TENM3: variants seen among roughly 807,000 people sequenced by gnomAD.
The protein encoded by TENM3 is teneurin-3.
A neutral mutation model predicts 255.1 loss-of-function variants in TENM3; 63 were observed. The observed-to-expected ratio is 0.25, with a 90% CI of 0.20 to 0.30. The LOEUF (loss-of-function observed/expected upper bound fraction) is 0.30, where lower values mean the gene tolerates loss of function less well. Among genes scored for constraint, TENM3 ranks in the 10% least tolerant of loss-of-function variants. TENM3 has a pLI of 1.00. For missense variants in TENM3, 2,929 were observed against 3,461.1 expected (o/e 0.85, Z 3.86); for synonymous variants, 1,306 against 1,322.3 (o/e 0.99, Z 0.27).
At chr4:182,624,235 TA>T (rs1360809397) in intron 4 of TENM3, among the ~76,000 whole-genome samples, 2 of 152,196 alleles carry the variant, frequency 1.3e-5, no homozygotes, top group Non-Finnish European at 2.9e-5. Flanking sequence ...GTTTTCTAAA[TA>T]TGGTTTCTTT....
At chr4:182,272,573 G>T (rs749089453) in intron 1 of TENM3, among the ~76,000 whole-genome samples, 2 of 152,128 alleles carry the variant, frequency 1.3e-5, no homozygotes, top group Admixed American at 6.5e-5. Context: ...CTGGTTTCCC[G>T]CAGAGGCAAG....
chr4:181,908,029 A>G, the TENM3 span, among the ~76,000 whole-genome samples: 1 of 152,194 alleles, frequency 6.6e-6, no homozygotes, highest in African/African-American at 2.4e-5. Flanking sequence ...CTAAAGCTAT[A>G]CAAGTTCTAT....
chr4:181,448,266 A>C, the TENM3 span, among the ~76,000 whole-genome samples: 1 of 135,808 alleles, frequency 7.4e-6, no homozygotes, highest in Non-Finnish European at 1.5e-5. Context: ...TCCCGGGTTC[A>C]CGCCATTCTC....
intron 1 of TENM3, among the ~76,000 whole-genome samples, chr4:182,293,887 C>T (rs1188187875): frequency 5.3e-5 from 8 of 152,162 alleles, no homozygotes; most frequent in African/African-American, 1.9e-4. Flanking sequence ...TGAGGCTTAA[C>T]CCTCCCAGGG....
At chr4:182,592,743 C>G (rs1167397805) in intron 3 of TENM3, among the ~76,000 whole-genome samples, 2 of 151,966 alleles carry the variant, frequency 1.3e-5, no homozygotes, top group Non-Finnish European at 2.9e-5. Flanking sequence ...GTAAAATATA[C>G]AAAAACAAAA....
chr4:181,869,627 A>G, the TENM3 span, among the ~76,000 whole-genome samples: 2 of 152,138 alleles, frequency 1.3e-5, no homozygotes, highest in African/African-American at 4.8e-5. Context: ...ACTACTAGGT[A>G]CCCACAAAAA....
the TENM3 span, among the ~76,000 whole-genome samples, chr4:181,782,216 T>G: frequency 6.3e-4 from 96 of 152,306 alleles, no homozygotes; most frequent in African/African-American, 2.3e-3. Context: ...TCCTCGTACC[T>G]CTGGTAGAAT....
intron 1 of TENM3, among the ~76,000 whole-genome samples, chr4:182,289,826 C>T (rs187150462): frequency 6.6e-6 from 1 of 152,258 alleles, no homozygotes; most frequent in Admixed American, 6.5e-5. Flanking sequence ...AGAATAAAAT[C>T]CAGACTCCCT....
intron 1 of TENM3, among the ~76,000 whole-genome samples, chr4:182,236,485 T>A (rs1206784399): frequency 6.6e-6 from 1 of 152,226 alleles, no homozygotes; most frequent in Non-Finnish European, 1.5e-5. Flanking sequence ...CCTGATTTCC[T>A]TTCATGATAT....
chr4:181,522,763 T>C, the TENM3 span: 1 of 749,764 alleles, frequency 1.3e-6, no homozygotes, highest in East Asian at 2.7e-5. Flanking sequence ...GACCTGAGAG[T>C]AAATGGAGAA....
At chr4:181,572,555 T>A in the TENM3 span, among the ~76,000 whole-genome samples, 1 of 152,210 alleles carries the variant, frequency 6.6e-6, no homozygotes, top group Non-Finnish European at 1.5e-5. Flanking sequence ...TTTCACACTT[T>A]TTTTTGTCAA....
At chr4:182,567,842 CAAAAAAA>C (rs199801857) in intron 3 of TENM3, among the ~76,000 whole-genome samples, 67 of 127,282 alleles carry the variant, frequency 5.3e-4, no homozygotes, top group African/African-American at 2.0e-3. Flanking sequence ...GAATGTAATC[CAAAAAAA>C]AAAAAAAAAA....
chr4:182,008,570 T>A, the TENM3 span, among the ~76,000 whole-genome samples: 3 of 151,978 alleles, frequency 2.0e-5, no homozygotes, highest in Non-Finnish European at 2.9e-5. Flanking sequence ...TCGTGCTATG[T>A]TTTTCAGCTC....
the TENM3 span, among the ~76,000 whole-genome samples, chr4:181,984,011 A>T: frequency 6.6e-6 from 1 of 152,054 alleles, no homozygotes; most frequent in East Asian, 1.9e-4. Flanking sequence ...TTTTAAGTGC[A>T]ATTCTGCCCT....
intron 1 of TENM3, among the ~76,000 whole-genome samples, chr4:182,263,834 T>G (rs978436402): frequency 1.3e-5 from 2 of 152,196 alleles, no homozygotes; most frequent in African/African-American, 4.8e-5. Flanking sequence ...GGCTCACCCA[T>G]CTGGGGGCAA....
chr4:182,218,000 G>A (rs561132023), intron 1 of TENM3, among the ~76,000 whole-genome samples: 1 of 152,308 alleles, frequency 6.6e-6, no homozygotes, highest in South Asian at 2.1e-4. Flanking sequence ...TAACAGTAAT[G>A]AAAAACCGAG....
At chr4:182,291,982 C>T (rs796435569) in intron 1 of TENM3, among the ~76,000 whole-genome samples, 7 of 152,228 alleles carry the variant, frequency 4.6e-5, no homozygotes, top group South Asian at 2.1e-4. Context: ...AAAACTTGGA[C>T]GTCTTAGATA....
chr4:182,641,068 A>C (rs890327089), intron 5 of TENM3, among the ~76,000 whole-genome samples: 4 of 152,224 alleles, frequency 2.6e-5, no homozygotes, highest in Admixed American at 2.6e-4. Flanking sequence ...GCCGAACTTG[A>C]TAAGGCAGAT....
intron 3 of TENM3, among the ~76,000 whole-genome samples, chr4:182,416,000 A>G (rs1012724361): frequency 6.6e-6 from 1 of 152,126 alleles, no homozygotes; most frequent in African/African-American, 2.4e-5. Flanking sequence ...TAAAAATAAA[A>G]CTTTTAACCA....
Sources: gnomAD v4.1 joint callset for allele counts (sites outside exome capture counted in the v4.1 genomes callset) on GRCh38, gnomAD v4.1.1 for gene constraint, MANE v1.5 for transcripts, NCBI Gene and HGNC (gene_info 2026-07-23, HGNC 2026-07-21) for gene names.